Variants in RGS6 observed in about 807,000 individuals in gnomAD.
RGS6 encodes regulator of G-protein signaling 6.
Under a neutral mutation model 78.5 loss-of-function variants are expected in RGS6, and 30 were observed. The ratio of observed to expected loss-of-function variants is 0.38; its 90% CI spans 0.29 to 0.52. RGS6 has a LOEUF of 0.52. Ranked by LOEUF, RGS6 falls within the 20% of genes least tolerant of loss-of-function variation. The probability of loss-of-function intolerance (pLI) is 0.85; values close to 1 mark genes in which losing one functional copy is unlikely to be tolerated. For synonymous variants in RGS6, 206 were observed against 206.0 expected (o/e 1.00, Z 0.00); for missense variants, 495 against 609.7 (o/e 0.81, Z 1.98).
intron 13 of RGS6, among the ~76,000 whole-genome samples, chr14:72,499,259 C>T (rs1270925765): frequency 6.6e-6 from 1 of 152,210 alleles, no homozygotes; most frequent in South Asian, 2.1e-4. Flanking sequence ...TGTTTTTTCT[C>T]TGTGTGTGTG....
At chr14:72,610,120 G>C in the RGS6 span, among the ~76,000 whole-genome samples, 1 of 152,206 alleles carries the variant, frequency 6.6e-6, no homozygotes. Flanking sequence ...ATAAAATGTT[G>C]CAGTGGCTTC....
At chr14:72,559,899 A>C (rs2097647351) in intron 17 of RGS6, among the ~76,000 whole-genome samples, 1 of 152,166 alleles carries the variant, frequency 6.6e-6, no homozygotes. Context: ...CTCAGGGCCA[A>C]ATTCACCTAA....
chr14:72,084,513 C>T (rs1158601540), intron 2 of RGS6, among the ~76,000 whole-genome samples: 3 of 152,192 alleles, frequency 2.0e-5, no homozygotes, highest in African/African-American at 7.2e-5. Context: ...TTGGGTACCT[C>T]ATTTGTAAAA....
intron 6 of RGS6, among the ~76,000 whole-genome samples, chr14:72,464,025 T>G (rs1309472787): frequency 6.6e-6 from 1 of 152,236 alleles, no homozygotes; most frequent in Non-Finnish European, 1.5e-5. Flanking sequence ...TTCTCTTTGA[T>G]TATGAGCTGA....
intron 15 of RGS6, among the ~76,000 whole-genome samples, chr14:72,531,715 T>C (rs2097185249): frequency 1.3e-5 from 2 of 152,234 alleles, no homozygotes; most frequent in South Asian, 2.1e-4. Context: ...GTATATAGCA[T>C]GCAATTTTGA....
At chr14:72,070,150 GTC>G (rs953791903) in intron 2 of RGS6, among the ~76,000 whole-genome samples, 6 of 151,740 alleles carry the variant, frequency 4.0e-5, no homozygotes, top group South Asian at 2.1e-4. Context: ...CTCTCTCTCT[GTC>G]TCTCTCTGTG....
chr14:72,153,663 T>C (rs1243769426), intron 2 of RGS6, among the ~76,000 whole-genome samples: 1 of 152,084 alleles, frequency 6.6e-6, no homozygotes, highest in Non-Finnish European at 1.5e-5. Flanking sequence ...CCTTGATGCC[T>C]GCCCAAGCCT....
chr14:72,241,968 A>T (rs2052971917), intron 2 of RGS6, among the ~76,000 whole-genome samples: 1 of 152,244 alleles, frequency 6.6e-6, no homozygotes, highest in South Asian at 2.1e-4. Context: ...CGGAAACTTG[A>T]ATGAGATATG....
chr14:72,567,602 G>T (rs368605805), downstream of RGS6, among the ~76,000 whole-genome samples: 2 of 152,192 alleles, frequency 1.3e-5, no homozygotes, highest in Admixed American at 6.5e-5. Flanking sequence ...CCCTTCTGGG[G>T]ACCTGTGGCA....
At chr14:72,019,372 G>A (rs1364978351) in intron 2 of RGS6, among the ~76,000 whole-genome samples, 4 of 152,186 alleles carry the variant, frequency 2.6e-5, no homozygotes, top group African/African-American at 9.7e-5. Context: ...TTCTAAGATA[G>A]AATAATGATC....
intron 2 of RGS6, among the ~76,000 whole-genome samples, chr14:72,011,644 ATATTG>A (rs1234807357): frequency 6.6e-6 from 1 of 152,208 alleles, no homozygotes; most frequent in Non-Finnish European, 1.5e-5. Context: ...CATAGCATTT[ATATTG>A]TATTAGGTAT....
At chr14:72,293,534 T>C (rs764797181) in intron 2 of RGS6, among the ~76,000 whole-genome samples, 1 of 151,278 alleles carries the variant, frequency 6.6e-6, no homozygotes, top group Non-Finnish European at 1.5e-5. Flanking sequence ...TCCCCATCCA[T>C]TTCTCTTAAA....
In RGS6 at chr14:71,937,041, A is replaced by G. The variant is rs139212100; in HGVS notation, c.-21+4100A>G. Among the ~76,000 whole-genome samples, 682 of 152,308 alleles carry G rather than the reference A, an allele frequency of 4.5e-3. 8 individuals are homozygous for G. Among genetic ancestry groups the G allele is most frequent in the African/African-American group, 0.015 (629 of 41,564 alleles). ...TTCCTGTTGACCTTAATCACAGGGC[A>G]TGGTAATACTGAGAGATGCCCTAAT... On this transcript the variant is annotated intron_variant, in intron 1 of 17. Coordinates refer to ENST00000553525, the MANE Select transcript of RGS6 (RefSeq NM_001204424.2).
At chr14:72,042,234 TCTC>T (rs1214955018) in intron 2 of RGS6, among the ~76,000 whole-genome samples, 1 of 151,758 alleles carries the variant, frequency 6.6e-6, no homozygotes, top group Non-Finnish European at 1.5e-5. Context: ...TTCAAGCAAT[TCTC>T]CTGCCTCAGC....
chr14:72,238,008 C>T (rs1767369946), intron 2 of RGS6, among the ~76,000 whole-genome samples: 1 of 152,000 alleles, frequency 6.6e-6, no homozygotes, highest in African/African-American at 2.4e-5. Context: ...GTCACATAGG[C>T]TTGAAGGATG....
chr14:72,327,561 C>T (rs2074082305), intron 2 of RGS6, among the ~76,000 whole-genome samples: 1 of 152,234 alleles, frequency 6.6e-6, no homozygotes, highest in Non-Finnish European at 1.5e-5. Flanking sequence ...GAGCAGCGTA[C>T]ATCACCAGTC....
chr14:72,461,411 A>T (rs930654762), intron 6 of RGS6, among the ~76,000 whole-genome samples: 1 of 152,348 alleles, frequency 6.6e-6, no homozygotes, highest in Middle Eastern at 3.4e-3. Context: ...TTAATTGTGC[A>T]TCATGAACAG....
upstream of RGS6, among the ~76,000 whole-genome samples, chr14:71,931,615 A>T (rs1394619661): frequency 2.0e-5 from 3 of 152,072 alleles, no homozygotes; most frequent in Admixed American, 6.5e-5. Context: ...CTAAATCTCA[A>T]ATTTATTCTT....
At chr14:72,611,600 T>TTGCA in the RGS6 span, among the ~76,000 whole-genome samples, 1 of 152,046 alleles carries the variant, frequency 6.6e-6, no homozygotes, top group African/African-American at 2.4e-5. Flanking sequence ...GCCCTGCCAG[T>TTGCA]TGCACCTCCC....
Sources: allele counts gnomAD v4.1 joint callset (sites outside exome capture counted in the v4.1 genomes callset), GRCh38; gene constraint gnomAD v4.1.1; transcripts MANE v1.5; gene names NCBI Gene and HGNC (gene_info 2026-07-23, HGNC 2026-07-21).